UBE4B: variants seen among roughly 807,000 people sequenced by gnomAD.
UBE4B encodes the protein ubiquitin conjugation factor E4 B.
A neutral mutation model predicts 148.1 loss-of-function variants in UBE4B; 27 were observed. That is an observed-to-expected ratio of 0.18 (90% confidence interval 0.13 to 0.25). UBE4B has a LOEUF of 0.25. Ranked by LOEUF, UBE4B falls within the 10% of genes least tolerant of loss-of-function variation. The pLI is 1.00. For synonymous variants in UBE4B, 596 were observed against 619.3 expected, an observed-to-expected ratio of 0.96 and a Z score of 0.56; for missense variants, 1,170 against 1,662.4, an observed-to-expected ratio of 0.70 and a Z score of 5.15.
chr1:10,087,302 C>T, intron 2 of UBE4B, among the ~76,000 whole-genome samples: 1 of 152,032 alleles, frequency 6.6e-6, no homozygotes, highest in Non-Finnish European at 1.5e-5. Flanking sequence ...GTAAAATGAA[C>T]ATTTATTTTG....
At chr1:10,087,336 A>G (rs997345226) in intron 2 of UBE4B, among the ~76,000 whole-genome samples, 3 of 152,204 alleles carry the variant, frequency 2.0e-5, no homozygotes, top group Admixed American at 6.5e-5. Flanking sequence ...TGTACAGAAA[A>G]GTTATGAAGA....
At chr1:10,179,673 A>G (rs1646477584) in intron 27 of UBE4B, 111 bp downstream of exon 27, 3 of 1,532,462 alleles carry the variant, frequency 2.0e-6, no homozygotes, top group African/African-American at 1.4e-5. Flanking sequence ...TGCAGAAACT[A>G]CCTACTTTAT....
At position 10,095,447 on chromosome 1, in the gene UBE4B, T is replaced by G. The variant is rs1644915558; in HGVS notation, c.212-14T>G. On this transcript the variant is annotated splice_polypyrimidine_tract_variant and intron_variant, in intron 2 of 27. Transcript: ENST00000343090. ...TTCACATGGGGCTTCATCCTTCCTG[T>G]GTTTTCTGTTTAGGAGTAGCCCATC... The G allele has an allele frequency of 3.1e-6, 5 of 1,613,094 alleles. No homozygotes were observed. Among genetic ancestry groups the G allele is most frequent in the Non-Finnish European group, 4.2e-6 (5 of 1,179,728 alleles).
intron 23 of UBE4B, among the ~76,000 whole-genome samples, chr1:10,167,589 CTTTTTTTTTTTTT>C (rs1166780306): frequency 1.7e-5 from 2 of 120,054 alleles, no homozygotes; most frequent in African/African-American, 7.0e-5. Context: ...TTGATGGTGA[CTTTTTTTTTTTTT>C]TTTTTTTTTG....
At chr1:10,068,032 T>G (rs1057078582) in intron 1 of UBE4B, among the ~76,000 whole-genome samples, 1 of 149,986 alleles carries the variant, frequency 6.7e-6, no homozygotes, top group African/African-American at 2.5e-5. Flanking sequence ...CTGGCCAGTT[T>G]TTTTTTTTTT....
chr1:10,125,480 G>A (rs1645478428), intron 10 of UBE4B, among the ~76,000 whole-genome samples: 1 of 152,112 alleles, frequency 6.6e-6, no homozygotes, highest in African/African-American at 2.4e-5. Flanking sequence ...AACACTCCAC[G>A]GACACTTTGT....
intron 1 of UBE4B, among the ~76,000 whole-genome samples, chr1:10,062,968 A>G (rs975046879): frequency 4.0e-5 from 6 of 151,882 alleles, no homozygotes; most frequent in Non-Finnish European, 8.8e-5. Flanking sequence ...AAAAAAAAAA[A>G]AAAGAAAAAG....
chr1:10,069,067 C>T (rs1644440499), intron 1 of UBE4B, among the ~76,000 whole-genome samples: 1 of 152,120 alleles, frequency 6.6e-6, no homozygotes, highest in South Asian at 2.1e-4. Flanking sequence ...TTTTTGAAAC[C>T]TTAGAATCCT....
chr1:10,095,776 C>T (rs1437554473), intron 3 of UBE4B, among the ~76,000 whole-genome samples, 180 bp downstream of exon 3: 2 of 152,070 alleles, frequency 1.3e-5, no homozygotes, highest in Non-Finnish European at 2.9e-5. Context: ...ATTCTTCATA[C>T]TTTTGTTGCT....
chr1:10,091,099 G>A (rs972983813), intron 2 of UBE4B, among the ~76,000 whole-genome samples: 1 of 152,178 alleles, frequency 6.6e-6, no homozygotes, highest in African/African-American at 2.4e-5. Flanking sequence ...TCTCCATTCT[G>A]TGTTACACAC....
At chr1:10,136,545 G>A (rs1645688495) in intron 16 of UBE4B, among the ~76,000 whole-genome samples, 2 of 151,638 alleles carry the variant, frequency 1.3e-5, no homozygotes, top group South Asian at 2.1e-4. Context: ...AGGTAGGACA[G>A]AATACGGTGG....
chr1:10,174,318 G>A (rs551562837), intron 25 of UBE4B, among the ~76,000 whole-genome samples: 5 of 151,564 alleles, frequency 3.3e-5, no homozygotes, highest in South Asian at 2.1e-4. Context: ...GCTTGAACCC[G>A]GGAGGCAGAG....
Position 10,034,730 on chromosome 1 carries a change from G to A in UBE4B, c.24+1036G>A, listed in dbSNP as rs1412070376. ...TCCATGCTCCAGTTTTAGCTACAGA[G>A]TACTTAGTGTGTTTACTTAGGGACT... On this transcript the variant is annotated intron_variant, in intron 1 of 27. Coordinates refer to ENST00000343090, the MANE Select transcript of UBE4B (RefSeq NM_001105562.3). Among the ~76,000 whole-genome samples, 3 of 152,170 alleles carry A rather than the reference G, an allele frequency of 2.0e-5. No individual in the cohort carries two copies. In the East Asian group the frequency reaches 5.8e-4, roughly 29 times the overall value.
Position 10,166,879 on chromosome 1 carries a change from C to T in UBE4B, c.3199-1257C>T, listed in dbSNP as rs761237405. 1.2e-3 allele frequency among the ~76,000 whole-genome samples: 175 copies of T among 151,328 alleles called. 1 individual carries two copies. The highest frequency in any genetic ancestry group is 1.2e-3 in the Non-Finnish European group (83 of 67,890). Reference sequence around the variant, plus strand: ...GGCAGAGATTGCAGTGAGCCAAGATCGCGCCACTGCACTCCAGCCTGGGCA... The same window carrying T: ...GGCAGAGATTGCAGTGAGCCAAGATTGCGCCACTGCACTCCAGCCTGGGCA... On this transcript the variant is annotated intron_variant, in intron 23 of 27. Coordinates refer to ENST00000343090, the MANE Select transcript of UBE4B (RefSeq NM_001105562.3).
intron 23 of UBE4B, among the ~76,000 whole-genome samples, chr1:10,166,516 G>A (rs951337956): frequency 1.3e-5 from 2 of 152,150 alleles, no homozygotes; most frequent in African/African-American, 4.8e-5. Context: ...GGCTGAGCAC[G>A]GTGGCTTACA....
intron 21 of UBE4B, among the ~76,000 whole-genome samples, chr1:10,155,265 C>G (rs1292101874): frequency 6.6e-6 from 1 of 152,280 alleles, no homozygotes; most frequent in East Asian, 1.9e-4. Context: ...CCTGGACCAC[C>G]TCTTCAGTCA....
At chr1:10,154,783 A>G (rs1454562350) in intron 21 of UBE4B, among the ~76,000 whole-genome samples, 1 of 152,032 alleles carries the variant, frequency 6.6e-6, no homozygotes, top group Admixed American at 6.6e-5. Context: ...CAGAGGTTGC[A>G]GTGAGCCAAG....
In UBE4B at chr1:10,094,353, A is replaced by G. The variant is rs1011442747; in HGVS notation, c.212-1108A>G. The stretch of plus-strand genomic sequence containing the variant: ...TGAATTTTTTTTTCAATATTTTACT[A>G]TAAAAATTGTAAACATACAGTAAAG... On this transcript the variant is annotated intron_variant, in intron 2 of 27. Coordinates refer to ENST00000343090, the MANE Select transcript of UBE4B (RefSeq NM_001105562.3). Among the ~76,000 whole-genome samples the G allele has an allele frequency of 3.3e-5, 5 of 152,068 alleles. No homozygotes were observed. The South Asian group carries it at 1.0e-3, about 32-fold the overall frequency.
At chr1:10,167,450 T>A (rs1380045548) in intron 23 of UBE4B, among the ~76,000 whole-genome samples, 34 of 135,054 alleles carry the variant, frequency 2.5e-4, no homozygotes, top group Admixed American at 3.5e-4. Flanking sequence ...AAAATAATAA[T>A]AATAATAATA....
Sources: allele counts gnomAD v4.1 joint callset (sites outside exome capture counted in the v4.1 genomes callset), GRCh38; gene constraint gnomAD v4.1.1; transcripts MANE v1.5; gene names NCBI Gene and HGNC (gene_info 2026-07-23, HGNC 2026-07-21).